The following WDPCP variants were observed in gnomAD, a reference collection of about 807,000 sequenced individuals.
The protein encoded by WDPCP is WD repeat-containing and planar cell polarity effector protein fritz homolog.
In WDPCP, 71 loss-of-function variants were observed where a neutral mutation model predicts 93.1. That is an observed-to-expected ratio of 0.76 (90% CI 0.63 to 0.93). The LOEUF (loss-of-function observed/expected upper bound fraction) is 0.93, where lower values mean the gene tolerates loss of function less well. WDPCP is among the 40% of genes least tolerant of loss of function. WDPCP has a pLI of 0.00. For synonymous variants in WDPCP, 315 were observed against 315.0 expected, an observed-to-expected ratio of 1.00 and a Z score of 0.00; for missense variants, 844 against 887.4, an observed-to-expected ratio of 0.95 and a Z score of 0.62.
chr2:63,267,402 A>T (rs984786538), intron 13 of WDPCP, among the ~76,000 whole-genome samples: 7 of 152,210 alleles, frequency 4.6e-5, no homozygotes, highest in African/African-American at 1.7e-4. Flanking sequence ...GGAGGAGGGA[A>T]AAACTCCTCA....
intron 1 of WDPCP, among the ~76,000 whole-genome samples, chr2:63,536,668 T>G (rs1056965781): frequency 6.6e-6 from 1 of 151,382 alleles, no homozygotes; most frequent in Admixed American, 6.6e-5. Context: ...GCATCAGAAG[T>G]GCATCAGAAC....
chr2:63,146,470 T>C (rs2103759331), intron 17 of WDPCP, among the ~76,000 whole-genome samples: 2 of 150,568 alleles, frequency 1.3e-5, no homozygotes, highest in South Asian at 4.2e-4. Context: ...AGTCGTGCAG[T>C]CTTAGCTCAT....
At chr2:63,297,233 C>A (rs1011593380) in intron 13 of WDPCP, among the ~76,000 whole-genome samples, 1 of 152,192 alleles carries the variant, frequency 6.6e-6, no homozygotes, top group Non-Finnish European at 1.5e-5. Context: ...TTTCACTTAA[C>A]AACCTCCACT....
chr2:63,694,350 G>A (rs1371885781), intron 2 of WDPCP, among the ~76,000 whole-genome samples: 1 of 152,098 alleles, frequency 6.6e-6, no homozygotes, highest in Non-Finnish European at 1.5e-5. Flanking sequence ...GGGTTGTTGA[G>A]AGGTACCTTA....
At chr2:63,194,988 T>C (rs1287702327) in intron 14 of WDPCP, among the ~76,000 whole-genome samples, 1 of 152,174 alleles carries the variant, frequency 6.6e-6, no homozygotes, top group Non-Finnish European at 1.5e-5. Context: ...ATTACTGTTT[T>C]TTTAAAATAT....
chr2:63,799,652 C>T (rs1670664874), intron 2 of WDPCP, among the ~76,000 whole-genome samples: 1 of 152,144 alleles, frequency 6.6e-6, no homozygotes, highest in South Asian at 2.1e-4. Context: ...CACAAAAAGT[C>T]TTTGTCTCAT....
rs755851048 is a variant in WDPCP, at chr2:63,502,974, G to A, written c.76-10034C>T. On this transcript the variant is annotated intron_variant, in intron 1 of 17. Coordinates refer to ENST00000272321, the MANE Select transcript of WDPCP (RefSeq NM_015910.7). ...TATGTTCCAAGATAATCTGTGCACC[G>A]TTCTTACTAAAAGAGGTTAGAACAA... Among the ~76,000 whole-genome samples the A allele has an allele frequency of 9.2e-5, 14 of 152,166 alleles. No individual in the cohort carries two copies. The South Asian group carries it at 1.0e-3, about 11-fold the overall frequency.
intron 9 of WDPCP, among the ~76,000 whole-genome samples, chr2:63,426,227 C>G (rs1042559576): frequency 4.6e-5 from 7 of 152,144 alleles, no homozygotes; most frequent in Admixed American, 4.6e-4. Context: ...GTAGTCCCAG[C>G]TACTCAGGAG....
At chr2:63,464,975 G>A (rs1699248600) in intron 6 of WDPCP, among the ~76,000 whole-genome samples, 1 of 151,834 alleles carries the variant, frequency 6.6e-6, no homozygotes, top group African/African-American at 2.4e-5. Context: ...ACAATAATGT[G>A]AATATACTTA....
At chr2:63,383,642 G>A (rs1425907284) in intron 10 of WDPCP, among the ~76,000 whole-genome samples, 2 of 152,162 alleles carry the variant, frequency 1.3e-5, no homozygotes, top group African/African-American at 4.8e-5. Flanking sequence ...GCATCTGGGA[G>A]GTGGAGGTTG....
intron 2 of WDPCP, among the ~76,000 whole-genome samples, chr2:63,695,334 T>G (rs1668948921): frequency 6.6e-6 from 1 of 152,234 alleles, no homozygotes; most frequent in South Asian, 2.1e-4. Flanking sequence ...CTTTGTTATA[T>G]TGATGAAGAG....
At chr2:63,822,596 A>G (rs1671039308) in intron 1 of WDPCP, among the ~76,000 whole-genome samples, 1 of 152,168 alleles carries the variant, frequency 6.6e-6, no homozygotes, top group Non-Finnish European at 1.5e-5. Flanking sequence ...AGAGGAAAGT[A>G]TTCAGTCAGC....
At chr2:63,220,858 C>T (rs747189178) in intron 14 of WDPCP, among the ~76,000 whole-genome samples, 1 of 152,118 alleles carries the variant, frequency 6.6e-6, no homozygotes, top group African/African-American at 2.4e-5. Context: ...CTCTCCCTCC[C>T]CCTGCCCACC....
chr2:63,185,820 C>G (rs2104151152), intron 14 of WDPCP, among the ~76,000 whole-genome samples: 1 of 152,252 alleles, frequency 6.6e-6, no homozygotes, highest in Admixed American at 6.5e-5. Context: ...TTATGGAATG[C>G]TCAGTGGTTT....
intron 1 of WDPCP, chr2:63,518,837 G>C (rs1702728206): frequency 6.6e-6 from 1 of 152,284 alleles, no homozygotes. Flanking sequence ...GGGCAAACTG[G>C]ATCTGACCAT....
At chr2:63,255,833 G>A (rs977055484) in intron 14 of WDPCP, among the ~76,000 whole-genome samples, 8 of 151,916 alleles carry the variant, frequency 5.3e-5, no homozygotes, top group African/African-American at 1.2e-4. Flanking sequence ...ATTAATAAGC[G>A]AATTTATCAC....
At chr2:63,405,046 T>C (rs1694461543) in intron 9 of WDPCP, among the ~76,000 whole-genome samples, 2 of 152,082 alleles carry the variant, frequency 1.3e-5, no homozygotes, top group South Asian at 4.1e-4. Context: ...TCTTAAAAAG[T>C]TAAAAAGAAT....
intron 12 of WDPCP, among the ~76,000 whole-genome samples, chr2:63,345,263 A>G (rs946261731): frequency 6.6e-6 from 1 of 152,166 alleles, no homozygotes; most frequent in Non-Finnish European, 1.5e-5. Context: ...TACACTTTCC[A>G]TAAGCTGCTC....
In WDPCP at chr2:63,158,661, A is replaced by G. The variant is rs1052294551; in HGVS notation, c.2079-5087T>C. On this transcript the variant is annotated intron_variant, in intron 15 of 17. Transcript: ENST00000272321. The stretch of plus-strand genomic sequence containing the variant: ...TGCATTCTTTATCCTCTCCTTCTAC[A>G]GCTCTAATGTCATGAATGTTAGACC... Among the ~76,000 whole-genome samples the G allele has an allele frequency of 1.3e-5, 2 of 152,048 alleles. 1 individual carries two copies. Among genetic ancestry groups the G allele is most frequent in the Admixed American group, 1.3e-4 (2 of 15,260 alleles).
Sources: gnomAD v4.1 joint callset for allele counts (sites outside exome capture counted in the v4.1 genomes callset) on GRCh38, gnomAD v4.1.1 for gene constraint, MANE v1.5 for transcripts, NCBI Gene and HGNC (gene_info 2026-07-23, HGNC 2026-07-21) for gene names.